Variants in SEPTIN9 observed in about 807,000 individuals in gnomAD.
SEPTIN9 encodes the protein septin-9.
A neutral mutation model predicts 56.6 loss-of-function variants in SEPTIN9; 13 were observed. The observed-to-expected ratio is 0.23, with a 90% CI of 0.15 to 0.37. SEPTIN9 has a LOEUF of 0.37. SEPTIN9 is among the 10% of genes least tolerant of loss of function. The pLI, the probability that SEPTIN9 is intolerant of heterozygous loss-of-function variation, is 1.00. For synonymous variants in SEPTIN9, 332 were observed against 334.1 expected, an observed-to-expected ratio of 0.99 and a Z score of 0.07; for missense variants, 650 against 823.1, an observed-to-expected ratio of 0.79 and a Z score of 2.57.
intron 1 of SEPTIN9, among the ~76,000 whole-genome samples, chr17:77,297,663 A>G (rs1409068841): frequency 2.6e-5 from 4 of 152,176 alleles, no homozygotes; most frequent in Admixed American, 6.5e-5. Context: ...AAATGTATTC[A>G]TTGAGCACCT....
At chr17:77,474,909 A>G (rs1297679897) in intron 3 of SEPTIN9, among the ~76,000 whole-genome samples, 2 of 152,052 alleles carry the variant, frequency 1.3e-5, no homozygotes, top group African/African-American at 4.8e-5. Flanking sequence ...GCTTATGTCT[A>G]TAATCCCAGC....
intron 2 of SEPTIN9, among the ~76,000 whole-genome samples, chr17:77,401,660 C>T (rs922377099): frequency 6.6e-6 from 1 of 151,780 alleles, no homozygotes; most frequent in Non-Finnish European, 1.5e-5. Flanking sequence ...GTAGGAGAAT[C>T]GCTTGAACCC....
At chr17:77,285,099 C>G (rs899793398) in intron 1 of SEPTIN9, among the ~76,000 whole-genome samples, 1 of 152,148 alleles carries the variant, frequency 6.6e-6, no homozygotes, top group African/African-American at 2.4e-5. Context: ...TAGGACGTTC[C>G]AGAAGCCTCC....
At chr17:77,466,790 C>T (rs1237194826) in intron 3 of SEPTIN9, among the ~76,000 whole-genome samples, 2 of 152,284 alleles carry the variant, frequency 1.3e-5, no homozygotes, top group Admixed American at 6.5e-5. Context: ...CTTTAGGGAA[C>T]GGAGAATCTG....
intron 2 of SEPTIN9, among the ~76,000 whole-genome samples, chr17:77,393,168 C>T (rs933295372): frequency 6.6e-6 from 1 of 152,166 alleles, no homozygotes; most frequent in African/African-American, 2.4e-5. Context: ...GGAATCCAGC[C>T]AATAAAGGGT....
chr17:77,282,056 C>T (rs1271974948), intron 1 of SEPTIN9, among the ~76,000 whole-genome samples: 3 of 152,216 alleles, frequency 2.0e-5, no homozygotes, highest in Non-Finnish European at 4.4e-5. Context: ...CTTGGCGACT[C>T]GGGTTCACGT....
chr17:77,472,195 G>A (rs1219035786), intron 3 of SEPTIN9, among the ~76,000 whole-genome samples: 1 of 152,222 alleles, frequency 6.6e-6, no homozygotes, highest in African/African-American at 2.4e-5. Context: ...GCCTCTTCCA[G>A]AAAGCGGCGG....
chr17:77,328,055 C>T (rs1232073689), intron 2 of SEPTIN9, among the ~76,000 whole-genome samples: 1 of 151,612 alleles, frequency 6.6e-6, no homozygotes, highest in Non-Finnish European at 1.5e-5. Context: ...CCAGGGTTTC[C>T]CCGTGCCCAG....
intron 3 of SEPTIN9, among the ~76,000 whole-genome samples, chr17:77,460,108 A>C (rs996405070): frequency 1.4e-5 from 2 of 146,232 alleles, no homozygotes; most frequent in Non-Finnish European, 3.0e-5. Flanking sequence ...ATCAGGGATC[A>C]CATTTCAGCA....
intron 2 of SEPTIN9, among the ~76,000 whole-genome samples, chr17:77,309,405 C>A (rs2032393228): frequency 6.6e-6 from 1 of 152,234 alleles, no homozygotes; most frequent in African/African-American, 2.4e-5. Context: ...GCCCGAGACA[C>A]CCTTTCCTCA....
chr17:77,297,244 A>C (rs2031860264), intron 1 of SEPTIN9, among the ~76,000 whole-genome samples: 1 of 152,188 alleles, frequency 6.6e-6, no homozygotes, highest in Non-Finnish European at 1.5e-5. Flanking sequence ...TTAAGGCCAA[A>C]GGTTTGAGAG....
rs964030107 is a variant in SEPTIN9, at chr17:77,434,169, C to T, written c.721+31466C>T. Among the ~76,000 whole-genome samples, 1 of 152,188 alleles carries T rather than the reference C, an allele frequency of 6.6e-6. No individual in the cohort carries two copies. The highest frequency in any genetic ancestry group is 1.5e-5 in the Non-Finnish European group (1 of 68,026). ...GAGGCAGGGCCCCTTCCCCTTTAAT[C>T]TGGGCAACCTTGCTTTGGCCTGCTG... On this transcript the variant is annotated intron_variant, in intron 3 of 11. Transcript: ENST00000427177. The surrounding 1 kb of genome is among the most constrained non-coding windows in gnomAD (Gnocchi z 5.0).
intron 1 of SEPTIN9, among the ~76,000 whole-genome samples, chr17:77,283,826 C>T (rs902657720): frequency 6.6e-6 from 1 of 152,170 alleles, no homozygotes; most frequent in Non-Finnish European, 1.5e-5. Flanking sequence ...GTGCTGGGCA[C>T]ACATGGCCAA....
chr17:77,496,669 G>A (rs1210249063), intron 10 of SEPTIN9, among the ~76,000 whole-genome samples: 1 of 152,224 alleles, frequency 6.6e-6, no homozygotes, highest in South Asian at 2.1e-4. Context: ...CCACTGTCCC[G>A]AGCTTGGGCT....
rs755967785 is a variant in SEPTIN9, at chr17:77,307,198, G to A, written c.76+1G>A. The A allele has an allele frequency of 6.2e-7, 1 of 1,613,668 alleles. No homozygotes were observed. Among genetic ancestry groups the A allele is most frequent in the Admixed American group, 1.7e-5 (1 of 60,026 alleles). ...AGGCTTGGTGACTCCAGTGGCCCAG[G>A]TAGGTGGCTCGCTCCGCTCTGGCCC... On this transcript the variant is annotated splice_donor_variant, in intron 2 of 11. Transcript: ENST00000427177. LOFTEE classifies it high-confidence loss of function.
Position 77,421,528 on chromosome 17 carries a change from C to G in SEPTIN9, c.721+18825C>G, listed in dbSNP as rs2036701962. Among the ~76,000 whole-genome samples, 1 of 152,202 alleles carries G rather than the reference C, an allele frequency of 6.6e-6. No homozygotes were observed. Among genetic ancestry groups the G allele is most frequent in the Non-Finnish European group, 1.5e-5 (1 of 68,048 alleles). ...TGGCTCCGGCAAGAGCAGGGAGGCT[C>G]ACGTCTCTGCCTGCTGGTTTTGCTT... is the stretch of plus-strand genomic sequence containing the variant. On this transcript the variant is annotated intron_variant, in intron 3 of 11. Coordinates refer to ENST00000427177, the MANE Select transcript of SEPTIN9 (RefSeq NM_001113491.2). The surrounding 1 kb of genome is among the most constrained non-coding windows in gnomAD (Gnocchi z 4.6).
In SEPTIN9 at chr17:77,445,081, C is replaced by A. The variant is rs878920161; in HGVS notation, c.722-37063C>A. On this transcript the variant is annotated intron_variant, in intron 3 of 11. Transcript: ENST00000427177. This position sits in a 1 kb window ranked among gnomAD's most constrained non-coding sequence, Gnocchi z 4.7. Reference sequence around the variant, plus strand: ...AAAATGTGCAGAGGCCCCTCTGTCCCACCATGCCTGCCTGGGGACGGCCTT... The same window carrying A: ...AAAATGTGCAGAGGCCCCTCTGTCCAACCATGCCTGCCTGGGGACGGCCTT... 3 of 440,836 alleles carry A rather than the reference C, an allele frequency of 6.8e-6. No individual in the cohort carries two copies. The highest frequency in any genetic ancestry group is 4.9e-5 in the South Asian group (3 of 61,348). The allele number at this position is 440,836 out of a possible 1,614,324, so 27.3% of individuals were successfully genotyped here. A position where few individuals can be genotyped will look rare whatever the true frequency, so the allele number is the denominator to read the frequency against.
intron 1 of SEPTIN9, among the ~76,000 whole-genome samples, chr17:77,290,641 C>A (rs1192992921): frequency 6.6e-6 from 1 of 151,156 alleles, no homozygotes; most frequent in African/African-American, 2.4e-5. Context: ...TGGTGAAACC[C>A]CGTCTCTACT....
chr17:77,352,062 T>C (rs1188331197), intron 2 of SEPTIN9, among the ~76,000 whole-genome samples: 1 of 152,176 alleles, frequency 6.6e-6, no homozygotes, highest in Non-Finnish European at 1.5e-5. Flanking sequence ...GTTACTGTCC[T>C]GCGGCTGTCA....
Sources: allele counts gnomAD v4.1 joint callset (sites outside exome capture counted in the v4.1 genomes callset), GRCh38; gene constraint gnomAD v4.1.1; non-coding constraint Gnocchi (gnomAD v3.1); transcripts MANE v1.5; gene names NCBI Gene and HGNC (gene_info 2026-07-23, HGNC 2026-07-21).